Variants in WASF1 observed in about 807,000 individuals in gnomAD.
WASF1 encodes the protein actin-binding protein WASF1.
Under a neutral mutation model 50.5 loss-of-function variants are expected in WASF1, and 7 were observed. The observed-to-expected ratio is 0.14, with a 90% CI of 0.08 to 0.26. The LOEUF (loss-of-function observed/expected upper bound fraction) is 0.26, where lower values mean the gene tolerates loss of function less well. WASF1 is among the 10% of genes least tolerant of loss of function. The pLI, the probability that WASF1 is intolerant of heterozygous loss-of-function variation, is 1.00. For missense variants in WASF1, 470 were observed against 694.7 expected (o/e 0.68, Z 3.64); for synonymous variants, 205 against 244.0 (o/e 0.84, Z 1.49).
At chr6:110,169,723 T>G (rs1776620953) in intron 2 of WASF1, among the ~76,000 whole-genome samples, 1 of 152,288 alleles carries the variant, frequency 6.6e-6, no homozygotes, top group East Asian at 1.9e-4. Context: ...TTAGTGACTA[T>G]TGTAAAAAAA....
intron 4 of WASF1, among the ~76,000 whole-genome samples, chr6:110,117,140 A>T (rs1357029834): frequency 1.3e-5 from 2 of 152,220 alleles, no homozygotes; most frequent in Admixed American, 1.3e-4. Flanking sequence ...CAGCAAGGGA[A>T]AAAAACTGGA....
chr6:110,117,899 T>A (rs1161285224), intron 4 of WASF1, among the ~76,000 whole-genome samples: 2 of 152,164 alleles, frequency 1.3e-5, no homozygotes, highest in Non-Finnish European at 2.9e-5. Flanking sequence ...CAGAATCTCA[T>A]ATCCAGCCAA....
In WASF1 at chr6:110,132,569, C is replaced by T. The variant is rs1774730304; in HGVS notation, c.-28-4940G>A. On this transcript the variant is annotated intron_variant, in intron 3 of 10. Transcript: ENST00000392589. ...TTATTTTAATAAGTTTCTGGGGGAA[C>T]ACGTGGTATTTGGGTGCATGTATAA... Among the ~76,000 whole-genome samples, 9 of 151,880 alleles carry T rather than the reference C, an allele frequency of 5.9e-5. No homozygotes were observed. The South Asian group carries it at 1.9e-3, about 32-fold the overall frequency.
intron 4 of WASF1, among the ~76,000 whole-genome samples, chr6:110,118,183 G>A (rs1038582116): frequency 1.1e-4 from 16 of 151,546 alleles, no homozygotes; most frequent in African/African-American, 3.9e-4. Flanking sequence ...AAATGTAAAT[G>A]GGCTAAATGC....
intron 3 of WASF1, among the ~76,000 whole-genome samples, chr6:110,143,905 T>C (rs138153491): frequency 5.6e-4 from 86 of 152,324 alleles, no homozygotes; most frequent in African/African-American, 1.9e-3. Flanking sequence ...CTATTGTGAA[T>C]AGTGCCGCGA....
intron 3 of WASF1, among the ~76,000 whole-genome samples, chr6:110,133,359 AG>A (rs1774786346): frequency 6.6e-6 from 1 of 151,434 alleles, no homozygotes; most frequent in Non-Finnish European, 1.5e-5. Context: ...ACTTTTTTAT[AG>A]TATCTTTTTT....
At chr6:110,124,256 CTCTCTCTCTCTCTCTCTCTA>C (rs1774300928) in intron 4 of WASF1, among the ~76,000 whole-genome samples, 1 of 55,190 alleles carries the variant, frequency 1.8e-5, no homozygotes, top group African/African-American at 9.0e-5. Context: ...CTCTCTCTCT[CTCTCTCTCTCTCTCTCTCTA>C]TATATATATA....
At chr6:110,151,655 A>C (rs1452020348) in intron 3 of WASF1, among the ~76,000 whole-genome samples, 1 of 152,220 alleles carries the variant, frequency 6.6e-6, no homozygotes, top group Non-Finnish European at 1.5e-5. Flanking sequence ...ACATGAAATC[A>C]CAATATTAAT....
In WASF1 at chr6:110,108,537, G is replaced by A. The variant is rs370579416; in HGVS notation, c.413C>T (p.Thr138Ile). Residue 138 changes from threonine (T) to isoleucine (I), a missense_variant, in exon 6 of 11, where the codon ACT (threonine) becomes ATT (isoleucine). Physicochemically the swap from Thr to Ile is moderately conservative, Grantham distance 89. Coordinates refer to ENST00000392589, the MANE Select transcript of WASF1 (RefSeq NM_003931.3). ...TTATTAACCTACCTACCTATAAGGA[G>A]TGAGTATATTGAGAGGTGGAGGCTG... ...CEQPPPLNILTPYRDDGKEGL... is the reference protein window; with the variant it reads ...CEQPPPLNILIPYRDDGKEGL... 1 of 1,613,084 alleles carries A rather than the reference G, an allele frequency of 6.2e-7. No homozygotes were observed. The highest frequency in any genetic ancestry group is 8.5e-7 in the Non-Finnish European group (1 of 1,179,458).
chr6:110,131,740 C>A (rs1774681047), intron 3 of WASF1, among the ~76,000 whole-genome samples: 1 of 152,162 alleles, frequency 6.6e-6, no homozygotes, highest in Non-Finnish European at 1.5e-5. Context: ...TCAGCTCAGA[C>A]AATTGACCCA....
At chr6:110,139,029 C>G (rs1775097668) in intron 3 of WASF1, among the ~76,000 whole-genome samples, 1 of 152,208 alleles carries the variant, frequency 6.6e-6, no homozygotes, top group Non-Finnish European at 1.5e-5. Flanking sequence ...CTTCCCTCAG[C>G]CTCACTTCCA....
intron 3 of WASF1, among the ~76,000 whole-genome samples, chr6:110,142,952 T>TAAAAAAAAAAAAAAAA (rs5879060): frequency 1.0e-3 from 122 of 119,032 alleles, no homozygotes; most frequent in African/African-American, 3.8e-3. Flanking sequence ...CCCAATGATG[T>TAAAAAAAAAAAAAAAA]AAAAAAAAAA....
chr6:110,117,040 A>T (rs1773845000), intron 4 of WASF1, among the ~76,000 whole-genome samples: 1 of 151,890 alleles, frequency 6.6e-6, no homozygotes, highest in African/African-American at 2.4e-5. Flanking sequence ...ATAAAACCAC[A>T]AAGATGGGGA....
intron 3 of WASF1, among the ~76,000 whole-genome samples, chr6:110,148,778 A>C (rs574319426): frequency 1.3e-5 from 2 of 152,336 alleles, no homozygotes; most frequent in African/African-American, 4.8e-5. Flanking sequence ...GGTAGACCAG[A>C]CAGAAGATGA....
intron 4 of WASF1, among the ~76,000 whole-genome samples, chr6:110,117,785 G>C (rs371372045): frequency 3.2e-4 from 48 of 152,230 alleles, no homozygotes; most frequent in African/African-American, 1.1e-3. Flanking sequence ...TACCTACAAA[G>C]GGAAGCCCAT....
At chr6:110,125,036 T>C (rs1774359088) in intron 4 of WASF1, among the ~76,000 whole-genome samples, 1 of 152,226 alleles carries the variant, frequency 6.6e-6, no homozygotes, top group African/African-American at 2.4e-5. Context: ...GTACTAATAA[T>C]AGCACCAAAG....
chr6:110,163,124 CAT>C (rs1562188524), intron 2 of WASF1, among the ~76,000 whole-genome samples: 1 of 151,496 alleles, frequency 6.6e-6, no homozygotes, highest in African/African-American at 2.4e-5. Context: ...AACATAATAA[CAT>C]ATGTTGCAGC....
chr6:110,130,959 C>A (rs1489175188), intron 3 of WASF1, among the ~76,000 whole-genome samples: 3 of 152,106 alleles, frequency 2.0e-5, no homozygotes, highest in African/African-American at 7.2e-5. Flanking sequence ...AGCACCTTTT[C>A]ATGTTTCTTG....
intron 2 of WASF1, among the ~76,000 whole-genome samples, chr6:110,163,476 A>G (rs1302085783): frequency 6.6e-6 from 1 of 151,350 alleles, no homozygotes; most frequent in African/African-American, 2.4e-5. Flanking sequence ...GGGACTTTTT[A>G]AAAAAGGCAC....
Sources: allele counts gnomAD v4.1 joint callset (sites outside exome capture counted in the v4.1 genomes callset), GRCh38; gene constraint gnomAD v4.1.1; transcripts MANE v1.5; gene names NCBI Gene and HGNC (gene_info 2026-07-23, HGNC 2026-07-21).